Variants in CADM2 observed in about 807,000 individuals in gnomAD.
The protein encoded by CADM2 is immunoglobulin superfamily member 4D.
In CADM2, 12 loss-of-function variants were observed where a neutral mutation model predicts 49.8. The ratio of observed to expected loss-of-function variants is 0.24; its 90% CI spans 0.15 to 0.39. The LOEUF is 0.39. Among genes scored for constraint, CADM2 ranks in the 10% least tolerant of loss-of-function variants. CADM2 has a pLI of 1.00. For missense variants in CADM2, 378 were observed against 492.3 expected (o/e 0.77, Z 2.20); for synonymous variants, 214 against 175.4 (o/e 1.22, Z -1.74).
intron 1 of CADM2, among the ~76,000 whole-genome samples, chr3:85,551,480 T>C (rs1004330238): frequency 3.3e-5 from 5 of 152,162 alleles, no homozygotes; most frequent in Non-Finnish European, 1.5e-5. Context: ...TTTGATCATA[T>C]GGTGATTCAC....
At chr3:85,547,706 G>A (rs1018743528) in intron 1 of CADM2, among the ~76,000 whole-genome samples, 1 of 152,142 alleles carries the variant, frequency 6.6e-6, no homozygotes, top group Non-Finnish European at 1.5e-5. Context: ...AACCAACCAT[G>A]AAGTTGAATC....
intron 1 of CADM2, among the ~76,000 whole-genome samples, chr3:85,640,440 TATAGAAGAGACAAC>T (rs1262268073): frequency 5.3e-5 from 8 of 152,190 alleles, no homozygotes; most frequent in Non-Finnish European, 1.0e-4. Context: ...GTAATGTTTA[TATAGAAGAGACAAC>T]ACCTAGTTGA....
chr3:85,307,534 T>C (rs1228247062), intron 1 of CADM2, among the ~76,000 whole-genome samples: 2 of 151,832 alleles, frequency 1.3e-5, no homozygotes, highest in African/African-American at 4.8e-5. Flanking sequence ...AATCCATTTT[T>C]ACAATAATTA....
intron 1 of CADM2, among the ~76,000 whole-genome samples, chr3:84,976,983 G>A (rs2031861642): frequency 6.6e-6 from 1 of 151,792 alleles, no homozygotes; most frequent in Non-Finnish European, 1.5e-5. Flanking sequence ...TTCACCATGA[G>A]CAAAGACAAC....
intron 1 of CADM2, among the ~76,000 whole-genome samples, chr3:85,411,493 A>T (rs1256293704): frequency 1.3e-5 from 2 of 152,226 alleles, no homozygotes; most frequent in East Asian, 3.9e-4. Context: ...AAGTGGGATG[A>T]TTCTTTACGG....
chr3:85,013,928 ACG>A (rs2034121090), intron 1 of CADM2, among the ~76,000 whole-genome samples: 1 of 146,670 alleles, frequency 6.8e-6, no homozygotes, highest in Non-Finnish European at 1.5e-5. Context: ...TATTATATAT[ACG>A]CAGTGTAATA....
intron 1 of CADM2, among the ~76,000 whole-genome samples, chr3:85,298,595 T>C (rs1340157634): frequency 6.6e-6 from 1 of 152,078 alleles, no homozygotes; most frequent in African/African-American, 2.4e-5. Context: ...AAGAGAGAGC[T>C]TCTTAAAAGC....
rs1361742918 is a variant in CADM2, at chr3:85,567,462, A to T, written c.62-159060A>T. Among the ~76,000 whole-genome samples the T allele has an allele frequency of 4.6e-5, 7 of 152,354 alleles. No homozygotes were observed. In the East Asian group the frequency reaches 1.3e-3, roughly 29 times the overall value. On this transcript the variant is annotated intron_variant, in intron 1 of 9. Coordinates refer to ENST00000383699, the MANE Select transcript of CADM2 (RefSeq NM_001167675.2). ...CACAGGCAATAAAATTAAAAAACTA[A>T]TATGAAGAGATTATTTTCCCCTACA...
chr3:85,946,978 G>A (rs1032687080), intron 7 of CADM2, among the ~76,000 whole-genome samples: 12 of 152,184 alleles, frequency 7.9e-5, no homozygotes, highest in Admixed American at 6.6e-5. Flanking sequence ...CTTCTGCACA[G>A]CAAAAGAAAC....
At chr3:85,866,470 C>G (rs532310632) in intron 3 of CADM2, among the ~76,000 whole-genome samples, 1 of 152,144 alleles carries the variant, frequency 6.6e-6, no homozygotes, top group East Asian at 1.9e-4. Flanking sequence ...TTCCATAGCC[C>G]TGATTTGTGA....
chr3:85,165,027 A>G (rs751580505), intron 1 of CADM2, among the ~76,000 whole-genome samples: 1 of 151,692 alleles, frequency 6.6e-6, no homozygotes, highest in Non-Finnish European at 1.5e-5. Flanking sequence ...GAAAATGTTT[A>G]AAAGTACTCC....
chr3:85,594,789 T>G (rs1393538528), intron 1 of CADM2, among the ~76,000 whole-genome samples: 1 of 152,070 alleles, frequency 6.6e-6, no homozygotes, highest in African/African-American at 2.4e-5. Context: ...ACAAAGAGCC[T>G]AGCCTCTACA....
At chr3:85,047,637 A>C (rs2035718479) in intron 1 of CADM2, among the ~76,000 whole-genome samples, 1 of 152,132 alleles carries the variant, frequency 6.6e-6, no homozygotes. Flanking sequence ...AAATGGTTTT[A>C]TAACTAACAT....
chr3:85,934,215 G>A (rs1720927021), intron 6 of CADM2, among the ~76,000 whole-genome samples: 1 of 152,014 alleles, frequency 6.6e-6, no homozygotes, highest in African/African-American at 2.4e-5. Flanking sequence ...TTAGTTAGAG[G>A]TCAAAAGACC....
At chr3:84,981,373 T>G (rs923283638) in intron 1 of CADM2, among the ~76,000 whole-genome samples, 1 of 152,050 alleles carries the variant, frequency 6.6e-6, no homozygotes, top group Non-Finnish European at 1.5e-5. Context: ...CTAAGTTTGT[T>G]TGGTCTAGGG....
In CADM2 at chr3:85,610,318, A is replaced by G. The variant is rs79353317; in HGVS notation, c.62-116204A>G. Among the ~76,000 whole-genome samples the G allele has an allele frequency of 2.2e-3, 330 of 152,108 alleles. 6 individuals carry two copies. The East Asian group carries it at 0.061, about 28-fold the overall frequency. The stretch of plus-strand genomic sequence containing the variant: ...ACATTGTGAATACCTATGCTTTTTA[A>G]TATAATTGATAAAATGTTTCATTTG... On this transcript the variant is annotated intron_variant, in intron 1 of 9. Transcript: ENST00000383699.
intron 1 of CADM2, among the ~76,000 whole-genome samples, chr3:85,054,089 A>G (rs1044752844): frequency 1.3e-4 from 20 of 152,002 alleles, no homozygotes; most frequent in Non-Finnish European, 2.4e-4. Flanking sequence ...CCGAGAGCCT[A>G]TTATATGTAA....
At chr3:85,860,339 A>C (rs1372520370) in intron 3 of CADM2, among the ~76,000 whole-genome samples, 1 of 152,202 alleles carries the variant, frequency 6.6e-6, no homozygotes, top group Non-Finnish European at 1.5e-5. Flanking sequence ...ACATATAATA[A>C]GATAAATAAT....
chr3:85,205,331 A>G (rs556723102), intron 1 of CADM2, among the ~76,000 whole-genome samples: 4 of 152,284 alleles, frequency 2.6e-5, no homozygotes, highest in Non-Finnish European at 4.4e-5. Flanking sequence ...CTTGAAAACT[A>G]TTTTAAACAT....
Sources: allele counts gnomAD v4.1 joint callset (sites outside exome capture counted in the v4.1 genomes callset), GRCh38; gene constraint gnomAD v4.1.1; transcripts MANE v1.5; gene names NCBI Gene and HGNC (gene_info 2026-07-23, HGNC 2026-07-21).